Variants in ZNF280C observed in about 807,000 individuals in gnomAD.
The protein encoded by ZNF280C is suppressor of hairy wing homolog 3.
ZNF280C carries 14 observed loss-of-function variants against 53.6 expected under a neutral mutation model. That is an observed-to-expected ratio of 0.26 (90% confidence interval 0.17 to 0.41). ZNF280C has a LOEUF of 0.41. Ranked by LOEUF, ZNF280C falls within the 10% of genes least tolerant of loss-of-function variation. The probability of loss-of-function intolerance (pLI) is 1.00; values close to 1 mark genes in which losing one functional copy is unlikely to be tolerated. For synonymous variants in ZNF280C, 203 were observed against 181.1 expected (o/e 1.12, Z -0.97); for missense variants, 416 against 547.1 (o/e 0.76, Z 2.39).
Position 130,215,931 on chromosome X carries a change from A to G in ZNF280C, c.1698T>C (p.His566=). The G allele has an allele frequency of 1.7e-6, 2 of 1,211,566 alleles. No homozygotes were observed. The highest frequency in any genetic ancestry group is 2.2e-6 in the Non-Finnish European group (2 of 895,467). ...CTTTACTTGCAGTGGATGTAGTTGC[A>G]TGAAGCTTACTTGTCTTAGATCTAC... The part of the protein sequence containing the change: ...NASRSKTSKL[H]ATTSTASKVN... The change falls in exon 14 of 19, where the codon CAT becomes CAC. Residue 566 remains histidine, a synonymous_variant. Coordinates refer to ENST00000370978, the MANE Select transcript of ZNF280C (RefSeq NM_017666.5).
chrX:130,255,565 T>C, intron 2 of ZNF280C, among the ~76,000 whole-genome samples: 1 of 109,653 alleles, frequency 9.1e-6, no homozygotes, highest in Non-Finnish European at 1.9e-5. Flanking sequence ...TTCTCATGGA[T>C]ATAAATCTAC....
In ZNF280C at chrX:130,236,643, C is replaced by T. The variant is rs778500252; in HGVS notation, c.494-4G>A. The T allele has an allele frequency of 5.4e-6, 6 of 1,111,943 alleles. No individual in the cohort carries two copies. In the African/African-American group the frequency reaches 9.2e-5, roughly 17 times the overall value. 91.6% of individuals were successfully genotyped at this position (1,111,943 alleles called of 1,213,427 possible). On this transcript the variant is annotated splice_polypyrimidine_tract_variant and splice_region_variant and intron_variant, in intron 6 of 18. Transcript: ENST00000370978. ...ACATATGAAGTATTTTTCATACCTA[C>T]AAAGATTTAAATAGTGAGAAAGATA...
chrX:130,212,902 C>G (rs962941344), intron 15 of ZNF280C, among the ~76,000 whole-genome samples: 2 of 111,461 alleles, frequency 1.8e-5, no homozygotes, highest in Non-Finnish European at 3.8e-5. Flanking sequence ...TGGGACATGT[C>G]TGTTTTTTGA....
At chrX:130,267,352 T>A (rs1320199105) in intron 1 of ZNF280C, among the ~76,000 whole-genome samples, 1 of 111,820 alleles carries the variant, frequency 8.9e-6, no homozygotes, top group Non-Finnish European at 1.9e-5. Context: ...AACTTTTAAG[T>A]GAGCCTCCTT....
chrX:130,215,658 C>T (rs1228658563), intron 14 of ZNF280C, 133 bp downstream of exon 14: 6 of 632,570 alleles, frequency 9.5e-6, no homozygotes, highest in Non-Finnish European at 1.4e-5. Flanking sequence ...GTAAAAAGTA[C>T]CTTTTTCTCA....
chrX:130,240,537 A>AT, intron 5 of ZNF280C, among the ~76,000 whole-genome samples: 1 of 112,130 alleles, frequency 8.9e-6, no homozygotes, highest in Admixed American at 9.5e-5. Flanking sequence ...TTCTCTAAAT[A>AT]TTTTTTATTT....
At chrX:130,236,388 T>C (rs1467346072) in intron 7 of ZNF280C, 68 bp from the exon 8 acceptor site, 5 of 1,125,807 alleles carry the variant, frequency 4.4e-6, no homozygotes, top group Non-Finnish European at 4.8e-6. Flanking sequence ...CCACTAATAA[T>C]GGTTTTAAAA....
At chrX:130,252,473 G>A (rs1450898369) in intron 2 of ZNF280C, among the ~76,000 whole-genome samples, 8 of 111,725 alleles carry the variant, frequency 7.2e-5, no homozygotes. Context: ...TGTAATCCCA[G>A]CATTCTGGGA....
chrX:130,215,690 A>G (rs1385862803), intron 14 of ZNF280C, 101 bp downstream of exon 14: 1 of 835,465 alleles, frequency 1.2e-6, no homozygotes, highest in Non-Finnish European at 1.6e-6. Context: ...TTTATGCCAG[A>G]TAAGTGATTA....
intron 2 of ZNF280C, among the ~76,000 whole-genome samples, chrX:130,248,734 C>T (rs62602136): frequency 0.052 from 5,785 of 112,019 alleles, 160 homozygotes; most frequent in Admixed American, 0.083. Context: ...GCTGGCCAAC[C>T]GGGCTTGACC....
chrX:130,243,849 G>A lies in ZNF280C; in HGVS notation c.195C>T (p.Gly65=), dbSNP rs1368878417. 8.7e-7 allele frequency: 1 copy of A among 1,154,734 alleles called. No individual in the cohort carries two copies. Among genetic ancestry groups the A allele is most frequent in the Non-Finnish European group, 1.2e-6 (1 of 863,118 alleles). The change falls in exon 4 of 19, where the codon GGC becomes GGT. Residue 65 remains glycine, a synonymous_variant. Coordinates refer to ENST00000370978, the MANE Select transcript of ZNF280C (RefSeq NM_017666.5). ...KPAISNILNR[G]HSSSSSKGIK... ...TTCCTTTTGAAGATGAGCTGGAGTG[G>A]CCTCTGTTCAAAATATCTATAAAAT... is the stretch of plus-strand genomic sequence containing the variant.
rs778527656 is a variant in ZNF280C, at chrX:130,215,927, T to G, written c.1702A>C (p.Thr568Pro). 4.3e-5 allele frequency: 52 copies of G among 1,209,743 alleles called. No individual in the cohort carries two copies. Among genetic ancestry groups the G allele is most frequent in the Non-Finnish European group, 5.5e-5 (49 of 895,160 alleles). ...TTAACTTTACTTGCAGTGGATGTAG[T>G]TGCATGAAGCTTACTTGTCTTAGAT... ...SRSKTSKLHA[T>P]TSTASKVNTS... The change falls in exon 14 of 19, where the codon ACT becomes CCT. Residue 568 changes from threonine to proline, a missense_variant. Coordinates refer to ENST00000370978, the MANE Select transcript of ZNF280C (RefSeq NM_017666.5).
At chrX:130,222,077 T>C (rs1033506601) in intron 12 of ZNF280C, among the ~76,000 whole-genome samples, 40 of 110,980 alleles carry the variant, frequency 3.6e-4, no homozygotes, top group African/African-American at 1.2e-3. Flanking sequence ...CTACCTATTG[T>C]TCCCTCTACC....
chrX:130,211,106 G>A (rs780920579), intron 15 of ZNF280C, among the ~76,000 whole-genome samples: 2 of 112,050 alleles, frequency 1.8e-5, no homozygotes, highest in Admixed American at 1.9e-4. Context: ...ATATATGCAT[G>A]GGAAAATAAA....
At chrX:130,260,538 C>G in intron 1 of ZNF280C, 73 bp from the exon 2 acceptor site, 2 of 828,723 alleles carry the variant, frequency 2.4e-6, no homozygotes, top group Non-Finnish European at 3.4e-6. Flanking sequence ...AAACATGAAA[C>G]CTGAGATCCA....
chrX:130,215,883 T>C lies in ZNF280C; in HGVS notation c.1746A>G (p.Gly582=). ...ASKVNTSKPR[G]RIAKSKAKPS... ...GTTTTGCTTTGGACTTAGCTATACG[T>C]CCCCTTGGCTTACTTGTATTAACTT... The change falls in exon 14 of 19, where the codon GGA becomes GGG. Residue 582 remains glycine, a synonymous_variant. Transcript: ENST00000370978. The C allele has an allele frequency of 8.3e-7, 1 of 1,211,547 alleles. No homozygotes were observed.
rs984908244 is a variant in ZNF280C, at chrX:130,268,882, G to C, written c.-137C>G. 3.5e-5 allele frequency: 4 copies of C among 112,818 alleles called. No individual in the cohort carries two copies. The highest frequency in any genetic ancestry group is 1.3e-4 in the African/African-American group (4 of 31,088). The allele number at this position is 112,818 out of a possible 1,213,427, so 9.3% of individuals were successfully genotyped here. ...CCTCAGCAACAGCGACTCCCCCGGAGACTTCCAGCGCGGAACCGGCGTCTC... is the reference window on the plus strand; with the variant it reads ...CCTCAGCAACAGCGACTCCCCCGGACACTTCCAGCGCGGAACCGGCGTCTC... On this transcript the variant is annotated 5_prime_UTR_variant, in exon 1 of 19. Transcript: ENST00000370978.
In ZNF280C at chrX:130,243,792, T is replaced by C; in HGVS notation, c.244+8A>G. The C allele has an allele frequency of 3.4e-6, 4 of 1,190,626 alleles. No homozygotes were observed. The highest frequency in any genetic ancestry group is 4.5e-6 in the Non-Finnish European group (4 of 883,461). ...CTTTAAAATTGAAATACTACAGTAA[T>C]ACTGTACCTGGACTGTGTGGCTCAC... On this transcript the variant is annotated splice_region_variant and intron_variant, in intron 4 of 18. Coordinates refer to ENST00000370978, the MANE Select transcript of ZNF280C (RefSeq NM_017666.5).
chrX:130,206,357 TTTAG>T (rs1312430384), intron 16 of ZNF280C, among the ~76,000 whole-genome samples: 3 of 106,928 alleles, frequency 2.8e-5, no homozygotes, highest in African/African-American at 1.0e-4. Flanking sequence ...GATTGACTTC[TTTAG>T]TTTTTTTTTT....
Sources: allele counts gnomAD v4.1 joint callset (sites outside exome capture counted in the v4.1 genomes callset), GRCh38; gene constraint gnomAD v4.1.1; transcripts MANE v1.5; gene names NCBI Gene and HGNC (gene_info 2026-07-23, HGNC 2026-07-21).